Variants in NME5 observed in about 807,000 individuals in gnomAD.
The protein encoded by NME5 is NME/NM23 family member 5, also known as nucleoside diphosphate kinase 5.
Under a neutral mutation model 21.6 loss-of-function variants are expected in NME5, and 18 were observed. That is an observed-to-expected ratio of 0.83 (90% CI 0.58 to 1.24). The LOEUF (loss-of-function observed/expected upper bound fraction) is 1.24. Among genes scored for constraint, NME5 ranks in the 50% most tolerant of loss-of-function variants. NME5 has a pLI of 0.00. For synonymous variants in NME5, 70 were observed against 80.6 expected (o/e 0.87, Z 0.71); for missense variants, 223 against 255.4 (o/e 0.87, Z 0.86).
At position 138,138,743 on chromosome 5, in the gene NME5, T is replaced by C. The variant is rs1751783757; in HGVS notation, c.38A>G (p.Glu13Gly). 9 of 1,612,998 alleles carry C rather than the reference T, an allele frequency of 5.6e-6. No homozygotes were observed. Among genetic ancestry groups the C allele is most frequent in the Non-Finnish European group, 7.6e-6 (9 of 1,179,704 alleles). Reference sequence around the variant, plus strand: ...TGGTTTGATAATGGCCAGAGTTTTTTCTACATATATCTGAGGTGGAGGCAT... The same window carrying C: ...TGGTTTGATAATGGCCAGAGTTTTTCCTACATATATCTGAGGTGGAGGCAT... ...ISMPPPQIYV[E>G]KTLAIIKPDI... The change falls in exon 2 of 6, where the codon GAA becomes GGA. Residue 13 changes from glutamate to glycine, a missense_variant. By Grantham distance (98) the Glu-to-Gly change is moderately conservative. Coordinates refer to ENST00000265191, the MANE Select transcript of NME5 (RefSeq NM_003551.3).
chr5:138,119,016 G>A, intron 4 of NME5, 80 bp from the exon 5 acceptor site: 3 of 816,510 alleles, frequency 3.7e-6, no homozygotes, highest in Middle Eastern at 3.0e-4. Context: ...TCTTTTTAAA[G>A]AACTTTTCTC....
chr5:138,126,243 G>A (rs1337385136), intron 4 of NME5, among the ~76,000 whole-genome samples: 1 of 152,140 alleles, frequency 6.6e-6, no homozygotes, highest in African/African-American at 2.4e-5. Context: ...GTGGCACAGT[G>A]GCTCATGCCT....
At chr5:138,128,631 T>C (rs1192888740) in intron 3 of NME5, 52 bp from the exon 4 acceptor site, 1 of 1,201,312 alleles carries the variant, frequency 8.3e-7, no homozygotes. Context: ...TATTCCTTAC[T>C]TTATATGCAT....
chr5:138,120,323 T>C (rs935431876), intron 4 of NME5, among the ~76,000 whole-genome samples: 19 of 141,266 alleles, frequency 1.3e-4, no homozygotes, highest in African/African-American at 5.0e-4. Context: ...AAGCTCCGCC[T>C]CCTGGGTTCA....
intron 5 of NME5, among the ~76,000 whole-genome samples, chr5:138,117,144 G>A (rs1751174925): frequency 6.9e-6 from 1 of 144,832 alleles, no homozygotes; most frequent in African/African-American, 2.6e-5. Flanking sequence ...AGGAGGCAGA[G>A]GTTGAAGTGA....
At chr5:138,132,923 T>C (rs1304818727) in intron 2 of NME5, among the ~76,000 whole-genome samples, 1 of 152,140 alleles carries the variant, frequency 6.6e-6, no homozygotes, top group Non-Finnish European at 1.5e-5. Flanking sequence ...CATGAAACTA[T>C]GATTATGCGT....
rs1751138791 is a variant in NME5, at chr5:138,115,543, C to T, written c.*138G>A. On this transcript the variant is annotated 3_prime_UTR_variant, in exon 6 of 6. Transcript: ENST00000265191. ...TTATCTGCTTCATAGAATAGTTATTCCTTTAACACTTATTTTTAAGAAATA... is the reference window on the plus strand; with the variant it reads ...TTATCTGCTTCATAGAATAGTTATTTCTTTAACACTTATTTTTAAGAAATA... 1 of 515,052 alleles carries T rather than the reference C, an allele frequency of 1.9e-6. No homozygotes were observed. The highest frequency in any genetic ancestry group is 3.3e-6 in the Non-Finnish European group (1 of 299,452). The allele number at this position is 515,052 out of a possible 1,614,324, so 31.9% of individuals were successfully genotyped here. A position where few individuals can be genotyped will look rare whatever the true frequency, so the allele number is the denominator to read the frequency against.
intron 2 of NME5, among the ~76,000 whole-genome samples, chr5:138,133,502 T>C (rs1280973200): frequency 2.0e-5 from 3 of 152,184 alleles, no homozygotes; most frequent in Non-Finnish European, 2.9e-5. Flanking sequence ...TTAGGTTGAA[T>C]AGTCTACAGC....
intron 2 of NME5, among the ~76,000 whole-genome samples, chr5:138,133,052 A>G (rs1003904359): frequency 2.0e-5 from 3 of 151,872 alleles, no homozygotes; most frequent in African/African-American, 4.8e-5. Flanking sequence ...TACCTTCTGC[A>G]GGTATGCCAG....
intron 4 of NME5, chr5:138,123,051 AG>A (rs1291661549): frequency 2.0e-5 from 3 of 152,104 alleles, no homozygotes; most frequent in Non-Finnish European, 4.4e-5. Context: ...ATCCTTGCAT[AG>A]GGGCCAAGCT....
At chr5:138,134,953 T>A (rs1751660648) in intron 2 of NME5, among the ~76,000 whole-genome samples, 1 of 150,980 alleles carries the variant, frequency 6.6e-6, no homozygotes, top group Non-Finnish European at 1.5e-5. Flanking sequence ...TCTGCCCGCC[T>A]CGGCCTCCCA....
At chr5:138,117,574 A>G (rs1435723538) in intron 5 of NME5, among the ~76,000 whole-genome samples, 1 of 152,206 alleles carries the variant, frequency 6.6e-6, no homozygotes, top group Non-Finnish European at 1.5e-5. Context: ...CAAAGAAGGT[A>G]TACAAATGGC....
chr5:138,118,785 A>G (rs768920676), intron 5 of NME5, 33 bp downstream of exon 5: 16 of 1,439,506 alleles, frequency 1.1e-5, no homozygotes, highest in Middle Eastern at 1.8e-4. Flanking sequence ...CCTGGTGACA[A>G]TATTCTTAAG....
intron 4 of NME5, among the ~76,000 whole-genome samples, chr5:138,125,001 C>T (rs1028587882): frequency 6.6e-6 from 1 of 152,148 alleles, no homozygotes; most frequent in African/African-American, 2.4e-5. Flanking sequence ...ACAGCTCAAA[C>T]AGCCTTAACC....
chr5:138,132,132 G>A (rs1751584345), intron 2 of NME5, among the ~76,000 whole-genome samples: 3 of 152,226 alleles, frequency 2.0e-5, no homozygotes, highest in Admixed American at 2.0e-4. Flanking sequence ...GACCGAGGCA[G>A]GCGGACTGCT....
intron 4 of NME5, among the ~76,000 whole-genome samples, chr5:138,128,200 T>TG (rs560603164): frequency 3.9e-5 from 6 of 152,052 alleles, no homozygotes; most frequent in Non-Finnish European, 8.8e-5. Flanking sequence ...TCGGCGACAG[T>TG]GAGACACTGT....
intron 5 of NME5, among the ~76,000 whole-genome samples, chr5:138,117,226 A>G (rs1050616482): frequency 7.9e-5 from 11 of 138,400 alleles, no homozygotes; most frequent in Non-Finnish European, 1.6e-4. Context: ...AAAAAAAAAA[A>G]GGAAAGAAAA....
intron 5 of NME5, chr5:138,116,749 AGCCCATTG>A (rs1751165868): frequency 6.5e-6 from 1 of 153,746 alleles, no homozygotes; most frequent in Non-Finnish European, 1.5e-5. Context: ...AATGGTACCA[AGCCCATTG>A]GTACCACTGG....
chr5:138,131,859 G>A lies in NME5; in HGVS notation c.130-2391C>T, dbSNP rs564774243. 7.3e-5 allele frequency among the ~76,000 whole-genome samples: 11 copies of A among 151,724 alleles called. No homozygotes were observed. In the East Asian group the frequency reaches 9.8e-4, roughly 13 times the overall value. ...CCTGGATTCAAGTGATTCTCCTGCC[G>A]CAGCCTCCTGAGTAGCTGGGATTAT... On this transcript the variant is annotated intron_variant, in intron 2 of 5. Coordinates refer to ENST00000265191, the MANE Select transcript of NME5 (RefSeq NM_003551.3).
Sources: gnomAD v4.1 joint callset for allele counts (sites outside exome capture counted in the v4.1 genomes callset) on GRCh38, gnomAD v4.1.1 for gene constraint, MANE v1.5 for transcripts, NCBI Gene and HGNC (gene_info 2026-07-23, HGNC 2026-07-21) for gene names.